Variants in HYLS1 observed in about 807,000 individuals in gnomAD.
The protein encoded by HYLS1 is centriolar and ciliogenesis-associated protein HYLS1.
A neutral mutation model predicts 29.4 loss-of-function variants in HYLS1; 25 were observed. The ratio of observed to expected loss-of-function variants is 0.85; its 90% confidence interval spans 0.62 to 1.19. The LOEUF is 1.19. Ranked by LOEUF, HYLS1 falls within the 50% of genes most tolerant of loss-of-function variation. HYLS1 has a pLI of 0.00. For synonymous variants in HYLS1, 128 were observed against 126.7 expected (o/e 1.01, Z -0.07); for missense variants, 352 against 365.1 (o/e 0.96, Z 0.29).
chr11:125,894,150 T>C (rs750933973), intron 2 of HYLS1: 1 of 1,614,158 alleles, frequency 6.2e-7, no homozygotes, highest in South Asian at 1.1e-5. Context: ...CTATACAACA[T>C]GTGAGTTTTG....
Position 125,895,167 on chromosome 11 carries a change from C to T in HYLS1, c.-26+3695C>T, listed in dbSNP as rs558360094. On this transcript the variant is annotated intron_variant, in intron 2 of 2. Transcript: ENST00000425380. ...CTTCAAGCAATTCTTGTGCCTCAAG[C>T]GTCCCGAGTAGCTGGGACTACAGGC... 31 of 1,397,194 alleles carry T rather than the reference C, an allele frequency of 2.2e-5. No homozygotes were observed. In the East Asian group the frequency reaches 2.3e-4, roughly 10 times the overall value. The allele number at this position is 1,397,194 out of a possible 1,614,324, so 86.5% of individuals were successfully genotyped here. A position where few individuals can be genotyped will look rare whatever the true frequency, so the allele number is the denominator to read the frequency against.
chr11:125,899,191 C>G (rs530394670), intron 2 of HYLS1, 153 bp from the exon 3 acceptor site: 1 of 610,150 alleles, frequency 1.6e-6, no homozygotes, highest in Non-Finnish European at 2.9e-6. Context: ...GTTAATGCCC[C>G]TCTAAACTGT....
intron 2 of HYLS1, chr11:125,898,965 A>T (rs560299643): frequency 1.2e-5 from 2 of 160,672 alleles, no homozygotes; most frequent in African/African-American, 4.8e-5. Context: ...ATGAATTAAT[A>T]AATGTAAAGC....
chr11:125,899,219 T>A, intron 2 of HYLS1, 125 bp from the exon 3 acceptor site: 1 of 671,232 alleles, frequency 1.5e-6, no homozygotes, highest in Non-Finnish European at 2.6e-6. Context: ...CTACCCTGTA[T>A]TGAATTTATG....
Position 125,900,238 on chromosome 11 carries a change from G to T in HYLS1, c.870G>T (p.Arg290Ser). Reference sequence around the variant, plus strand: ...ACCTTGCAAATGGTGTCATACCCAGGAAGCTTCCCTTCCCTCTTTCTCCTT... The same window carrying T: ...ACCTTGCAAATGGTGTCATACCCAGTAAGCTTCCCTTCCCTCTTTCTCCTT... ...RCDLANGVIP[R>S]KLPFPLSPS The change falls in exon 3 of 3, where the codon AGG becomes AGT. Residue 290 changes from arginine (R) to serine (S), a missense_variant. Coordinates refer to ENST00000425380, the MANE Select transcript of HYLS1 (RefSeq NM_001134793.2). 1 of 1,614,202 alleles carries T rather than the reference G, an allele frequency of 6.2e-7. No homozygotes were observed. The highest frequency in any genetic ancestry group is 8.5e-7 in the Non-Finnish European group (1 of 1,180,020).
At chr11:125,888,527 G>C (rs1944350333) in intron 1 of HYLS1, among the ~76,000 whole-genome samples, 2 of 152,272 alleles carry the variant, frequency 1.3e-5, no homozygotes, top group Admixed American at 6.5e-5. Flanking sequence ...CCAGCACTTT[G>C]GGAGGCCGAG....
intron 2 of HYLS1, chr11:125,893,875 G>C: frequency 6.2e-7 from 1 of 1,614,074 alleles, no homozygotes. Context: ...TGTCATTACA[G>C]TCCCTTTTGG....
chr11:125,894,361 T>G, intron 2 of HYLS1: 1 of 1,299,464 alleles, frequency 7.7e-7, no homozygotes, highest in Non-Finnish European at 1.1e-6. Context: ...TAAGGGTTAG[T>G]TGCGTTAAGG....
rs538862919 is a variant in HYLS1, at chr11:125,890,751, G to A, written c.-75-672G>A. Among the ~76,000 whole-genome samples the A allele has an allele frequency of 6.6e-5, 10 of 152,242 alleles. No homozygotes were observed. In the South Asian group the frequency reaches 8.3e-4, roughly 13 times the overall value. On this transcript the variant is annotated intron_variant, in intron 1 of 2. Coordinates refer to ENST00000425380, the MANE Select transcript of HYLS1 (RefSeq NM_001134793.2). ...TCCCTCTAAAGAGAAAGGATTGTTC[G>A]ATCTTTTATATTAGAAAGAGAAGGA... is the stretch of plus-strand genomic sequence containing the variant.
rs1555102865 is a variant in HYLS1 at position 125,900,216 on chromosome 11, TTGCAAATGG to T, written c.851_859del (p.Ala284_Gly286del). The T allele has an allele frequency of 1.4e-5, 23 of 1,614,246 alleles. No individual in the cohort carries two copies. Among genetic ancestry groups the T allele is most frequent in the Non-Finnish European group, 1.8e-5 (21 of 1,180,038 alleles). On this transcript the variant is annotated inframe_deletion, in exon 3 of 3. Coordinates refer to ENST00000425380, the MANE Select transcript of HYLS1 (RefSeq NM_001134793.2). ...CTCCGTTGGGGTGTTCGTTGTGACCTTGCAAATGGTGTCATACCCAGGAAGCTTCCCTTC... is the reference window on the plus strand; with the variant it reads ...CTCCGTTGGGGTGTTCGTTGTGACCTTGTCATACCCAGGAAGCTTCCCTTC...
chr11:125,894,322 TA>T, intron 2 of HYLS1: 1 of 1,528,538 alleles, frequency 6.5e-7, no homozygotes. Flanking sequence ...TGAGAATACA[TA>T]ACATCCATCT....
At chr11:125,896,383 T>C (rs1462553147) in intron 2 of HYLS1, 1 of 1,179,344 alleles carries the variant, frequency 8.5e-7, no homozygotes, top group Non-Finnish European at 1.2e-6. Flanking sequence ...CCTTTGATGA[T>C]GTTCTAATGG....
chr11:125,892,565 C>G (rs1944441372), intron 2 of HYLS1, among the ~76,000 whole-genome samples: 1 of 152,156 alleles, frequency 6.6e-6, no homozygotes, highest in African/African-American at 2.4e-5. Flanking sequence ...TAGGAGTTAT[C>G]TAGAAAGCCT....
At chr11:125,889,298 C>A (rs1408835989) in intron 1 of HYLS1, among the ~76,000 whole-genome samples, 1 of 152,080 alleles carries the variant, frequency 6.6e-6, no homozygotes, top group Non-Finnish European at 1.5e-5. Context: ...TTTCCAGTCT[C>A]TTCATAATCA....
At chr11:125,884,647 C>T (rs1419287809), upstream of HYLS1, among the ~76,000 whole-genome samples, 1 of 152,138 alleles carries the variant, frequency 6.6e-6, no homozygotes, top group East Asian at 1.9e-4. Flanking sequence ...TTATGTTATG[C>T]TTTTAAAAGG....
At chr11:125,889,957 A>G (rs778163358) in intron 1 of HYLS1, among the ~76,000 whole-genome samples, 1 of 152,152 alleles carries the variant, frequency 6.6e-6, no homozygotes, top group Non-Finnish European at 1.5e-5. Flanking sequence ...GTTGCTGTTT[A>G]GAAACAGACG....
rs104894232 is a variant in HYLS1 at position 125,900,000 on chromosome 11, A to G, written c.632A>G (p.Asp211Gly). ...TTAAGCCGAAACCGGGGCAAGACAG[A>G]CCGGGTAGCCCGGTATTTTGAGTAC... ...DQLSRNRGKT[D>G]RVARYFEYKR... Residue 211 changes from aspartate (D) to glycine (G), a missense_variant, in exon 3 of 3, where the codon GAC (aspartate) becomes GGC (glycine). Transcript: ENST00000425380. 6.2e-4 allele frequency: 1,003 copies of G among 1,614,240 alleles called. No individual in the cohort carries two copies. The highest frequency in any genetic ancestry group is 3.2e-4 in the Non-Finnish European group (377 of 1,180,048).
intron 2 of HYLS1, 78 bp from the exon 3 acceptor site, chr11:125,899,266 A>C: frequency 2.0e-6 from 2 of 992,352 alleles, no homozygotes; most frequent in Non-Finnish European, 3.1e-6. Context: ...TGACTGCTAT[A>C]AAACGGAGAT....
chr11:125,899,412 A>G lies in HYLS1; in HGVS notation c.44A>G (p.Asp15Gly). 1 of 1,614,246 alleles carries G rather than the reference A, an allele frequency of 6.2e-7. No individual in the cohort carries two copies. Among genetic ancestry groups the G allele is most frequent in the Non-Finnish European group, 8.5e-7 (1 of 1,180,042 alleles). ...LPDGQIWANM[D>G]PEERMLAAAT... ...GATGGACAAATATGGGCTAATATGG[A>G]TCCAGAAGAACGAATGTTGGCAGCT... The change falls in exon 3 of 3, where the codon GAT (aspartate) becomes GGT (glycine). Residue 15 changes from aspartate (D) to glycine (G), a missense_variant. Physicochemically the swap from Asp to Gly is moderately conservative, Grantham distance 94 (BLOSUM62 -1). Coordinates refer to ENST00000425380, the MANE Select transcript of HYLS1 (RefSeq NM_001134793.2).
Sources: allele counts gnomAD v4.1 joint callset (sites outside exome capture counted in the v4.1 genomes callset), GRCh38; gene constraint gnomAD v4.1.1; transcripts MANE v1.5; gene names NCBI Gene and HGNC (gene_info 2026-07-23, HGNC 2026-07-21).